The following SLCO1C1 variants were observed in gnomAD, a reference collection of about 807,000 sequenced individuals.
SLCO1C1 encodes the protein OAT-RP-5.
SLCO1C1 carries 70 observed loss-of-function variants against 76.4 expected under a neutral mutation model. The observed-to-expected ratio is 0.92, with a 90% confidence interval of 0.76 to 1.12. SLCO1C1 has a LOEUF of 1.12. Among genes scored for constraint, SLCO1C1 ranks in the 50% most tolerant of loss-of-function variants. The probability of loss-of-function intolerance (pLI) is 0.00; values close to 1 mark genes in which losing one functional copy is unlikely to be tolerated. For synonymous variants in SLCO1C1, 306 were observed against 286.1 expected (o/e 1.07, Z -0.70); for missense variants, 912 against 823.8 (o/e 1.11, Z -1.31).
At chr12:20,743,689 T>G (rs1948920238) in intron 13 of SLCO1C1, among the ~76,000 whole-genome samples, 1 of 151,156 alleles carries the variant, frequency 6.6e-6, no homozygotes, top group African/African-American at 2.4e-5. Flanking sequence ...ACAAGAGAGC[T>G]CTCAGAAATT....
chr12:20,723,020 C>A, intron 8 of SLCO1C1, 70 bp from the exon 9 acceptor site: 1 of 1,409,484 alleles, frequency 7.1e-7, no homozygotes, highest in Non-Finnish European at 9.8e-7. Flanking sequence ...GTAAGTCCTG[C>A]CAGCACGGCT....
At chr12:20,712,440 A>G (rs1045465965) in intron 5 of SLCO1C1, among the ~76,000 whole-genome samples, 2 of 152,080 alleles carry the variant, frequency 1.3e-5, no homozygotes, top group Non-Finnish European at 2.9e-5. Context: ...AGTAGCCATG[A>G]ATTTGTCCAT....
chr12:20,704,557 C>CT (rs1202821538), intron 3 of SLCO1C1, among the ~76,000 whole-genome samples: 1 of 151,760 alleles, frequency 6.6e-6, no homozygotes, highest in East Asian at 1.9e-4. Flanking sequence ...TTAATATGAA[C>CT]ATTAAGAAGA....
chr12:20,750,875 T>C, intron 14 of SLCO1C1, 83 bp downstream of exon 14: 1 of 1,613,802 alleles, frequency 6.2e-7, no homozygotes. Flanking sequence ...CAAGTTTTCA[T>C]GTCATTTCAC....
At chr12:20,715,440 T>C (rs550010850) in intron 6 of SLCO1C1, among the ~76,000 whole-genome samples, 155 bp downstream of exon 6, 2 of 152,302 alleles carry the variant, frequency 1.3e-5, no homozygotes, top group East Asian at 3.9e-4. Context: ...ACAGTTCAGA[T>C]TTGGATGATG....
intron 5 of SLCO1C1, among the ~76,000 whole-genome samples, chr12:20,713,246 A>C (rs1947214559): frequency 6.6e-6 from 1 of 151,326 alleles, no homozygotes; most frequent in African/African-American, 2.4e-5. Flanking sequence ...CGCCCGGCTA[A>C]TTTTTTGTAT....
chr12:20,713,784 A>G (rs1453440432), intron 5 of SLCO1C1, among the ~76,000 whole-genome samples: 2 of 152,204 alleles, frequency 1.3e-5, no homozygotes, highest in Non-Finnish European at 2.9e-5. Flanking sequence ...TATTTGAAAT[A>G]TAGTTAGTGT....
intron 4 of SLCO1C1, among the ~76,000 whole-genome samples, chr12:20,709,993 A>G (rs1565505756): frequency 6.6e-6 from 1 of 151,584 alleles, no homozygotes; most frequent in Non-Finnish European, 1.5e-5. Context: ...CTTTGATAAA[A>G]TTATAAAACC....
chr12:20,713,860 AT>A (rs1947248863), intron 5 of SLCO1C1, among the ~76,000 whole-genome samples: 1 of 152,246 alleles, frequency 6.6e-6, no homozygotes, highest in African/African-American at 2.4e-5. Context: ...GCTTATGGTT[AT>A]TGAATTAAAA....
At chr12:20,731,706 G>A (rs982769032) in intron 9 of SLCO1C1, among the ~76,000 whole-genome samples, 1 of 152,184 alleles carries the variant, frequency 6.6e-6, no homozygotes, top group Admixed American at 6.6e-5. Context: ...TTATTGTTGA[G>A]TGCCAGATTG....
Position 20,701,459 on chromosome 12 carries a change from G to C in SLCO1C1, c.271G>C (p.Gly91Arg), listed in dbSNP as rs765808492. 1.3e-6 allele frequency: 2 copies of C among 1,501,198 alleles called. No individual in the cohort carries two copies. The highest frequency in any genetic ancestry group is 2.7e-5 in the South Asian group (2 of 74,106). 93.0% of individuals were successfully genotyped at this position (1,501,198 alleles called of 1,614,324 possible). Residue 91 changes from glycine (G) to arginine (R), a missense_variant and splice_region_variant, in exon 3 of 15, where the codon GGG (glycine) becomes CGG (arginine). Gly to Arg is a moderately radical substitution (Grantham distance 125, BLOSUM62 -2). Transcript: ENST00000266509. ...AGTTATTGATGGTAGTTTTGAAATT[G>C]GTAGGTATTACAGATGCCTGACTTT... ...VGVIDGSFEI[G>R]NLLVITFVSY...
chr12:20,708,860 G>A (rs942623459), intron 4 of SLCO1C1, among the ~76,000 whole-genome samples: 4 of 152,180 alleles, frequency 2.6e-5, no homozygotes, highest in African/African-American at 9.7e-5. Flanking sequence ...TGGCCCTGGG[G>A]TTGGTTCTGA....
intron 10 of SLCO1C1, 47 bp from the exon 11 acceptor site, chr12:20,737,060 G>T: frequency 7.2e-7 from 1 of 1,388,872 alleles, no homozygotes; most frequent in Non-Finnish European, 9.4e-7. Flanking sequence ...ATATTCGGGT[G>T]CTACCTGCTA....
intron 9 of SLCO1C1, among the ~76,000 whole-genome samples, chr12:20,724,292 CTT>C (rs1565523198): frequency 2.0e-5 from 3 of 150,878 alleles, no homozygotes; most frequent in Non-Finnish European, 4.4e-5. Flanking sequence ...TTAAGAGAGA[CTT>C]TATTTTATTT....
At chr12:20,708,481 A>G (rs1297220417) in intron 4 of SLCO1C1, among the ~76,000 whole-genome samples, 1 of 152,126 alleles carries the variant, frequency 6.6e-6, no homozygotes, top group Non-Finnish European at 1.5e-5. Context: ...AAAGACACAT[A>G]AGGAGTATGT....
At chr12:20,712,689 C>T (rs138955208) in intron 5 of SLCO1C1, among the ~76,000 whole-genome samples, 1 of 152,302 alleles carries the variant, frequency 6.6e-6, no homozygotes, top group African/African-American at 2.4e-5. Flanking sequence ...GACCTTTTCA[C>T]TCCTCTAATA....
chr12:20,720,229 T>G (rs1947591419), intron 7 of SLCO1C1, among the ~76,000 whole-genome samples: 1 of 152,206 alleles, frequency 6.6e-6, no homozygotes, highest in Non-Finnish European at 1.5e-5. Flanking sequence ...TTCAAAATAT[T>G]ACTGCTCATT....
intron 1 of SLCO1C1, among the ~76,000 whole-genome samples, chr12:20,696,588 T>C (rs1946276719): frequency 6.6e-6 from 1 of 152,122 alleles, no homozygotes; most frequent in African/African-American, 2.4e-5. Context: ...TTGTTTTTCT[T>C]TGGCCTCCAG....
intron 1 of SLCO1C1, 69 bp from the exon 2 acceptor site, chr12:20,699,483 G>A (rs925488191): frequency 1.1e-5 from 15 of 1,306,762 alleles, no homozygotes; most frequent in Non-Finnish European, 1.5e-5. Context: ...GTGGTATACT[G>A]TTGAATAAAA....
Sources: gnomAD v4.1 joint callset for allele counts (sites outside exome capture counted in the v4.1 genomes callset) on GRCh38, gnomAD v4.1.1 for gene constraint, MANE v1.5 for transcripts, NCBI Gene and HGNC (gene_info 2026-07-23, HGNC 2026-07-21) for gene names.